The following SAMMSON variants were observed in gnomAD, a reference collection of about 807,000 sequenced individuals.
SAMMSON encodes the protein survival associated mitochondrial melanoma specific oncogenic non-coding RNA, also known as long intergenic non-protein coding RNA 1212.
At chr3:70,296,588 A>G (rs538046708) in intron 7 of SAMMSON, among the ~76,000 whole-genome samples, 2 of 152,312 alleles carry the variant, frequency 1.3e-5, no homozygotes, top group African/African-American at 4.8e-5. Flanking sequence ...CAGTGGAATA[A>G]AAGGCATGAT....
chr3:70,407,905 C>T (rs1390548222), intron 2 of SAMMSON, among the ~76,000 whole-genome samples: 1 of 152,250 alleles, frequency 6.6e-6, no homozygotes, highest in Non-Finnish European at 1.5e-5. Context: ...CCTGCCCCTG[C>T]AGCAAACTTC....
intron 4 of SAMMSON, among the ~76,000 whole-genome samples, chr3:70,121,716 G>A (rs925949842): frequency 1.5e-4 from 23 of 152,146 alleles, no homozygotes; most frequent in African/African-American, 5.3e-4. Context: ...TTTCCTGAGC[G>A]TCCACTGTGT....
At chr3:70,193,752 T>G (rs1415241704) in intron 4 of SAMMSON, among the ~76,000 whole-genome samples, 3 of 152,190 alleles carry the variant, frequency 2.0e-5, no homozygotes, top group Admixed American at 2.0e-4. Flanking sequence ...GTCAAACAAC[T>G]TTACTTAAGT....
chr3:70,004,175 C>G (rs1251948701), intron 1 of SAMMSON, among the ~76,000 whole-genome samples: 1 of 152,058 alleles, frequency 6.6e-6, no homozygotes, highest in African/African-American at 2.4e-5. Context: ...CTAAGAGCTG[C>G]CTATGGCTAG....
At chr3:70,271,511 CTATT>C (rs1701975361) in intron 6 of SAMMSON, among the ~76,000 whole-genome samples, 4 of 152,274 alleles carry the variant, frequency 2.6e-5, no homozygotes, top group Admixed American at 2.6e-4. Flanking sequence ...TTTTGCTTAA[CTATT>C]TAACAAACAT....
intron 9 of SAMMSON, among the ~76,000 whole-genome samples, chr3:70,383,169 A>G (rs1217916426): frequency 2.6e-5 from 4 of 152,052 alleles, no homozygotes; most frequent in African/African-American, 9.7e-5. Flanking sequence ...CTTTTTAGGC[A>G]TTTAATGATT....
intron 4 of SAMMSON, among the ~76,000 whole-genome samples, chr3:70,236,261 T>C (rs2106748800): frequency 6.6e-6 from 1 of 152,284 alleles, no homozygotes; most frequent in South Asian, 2.1e-4. Flanking sequence ...CCAAAATAAC[T>C]TTTCCAGAGA....
intron 4 of SAMMSON, among the ~76,000 whole-genome samples, chr3:70,086,872 C>T (rs777641013): frequency 1.3e-5 from 2 of 152,028 alleles, no homozygotes; most frequent in Non-Finnish European, 2.9e-5. Context: ...TCATTTAATC[C>T]CCATGACAAT....
chr3:70,126,139 A>G (rs2067457578), intron 4 of SAMMSON: 2 of 1,264,628 alleles, frequency 1.6e-6, no homozygotes, highest in South Asian at 1.3e-5. Flanking sequence ...TGGTGGGTAC[A>G]TATACTTGAG....
At chr3:70,188,425 G>A (rs1194242184) in intron 4 of SAMMSON, among the ~76,000 whole-genome samples, 1 of 152,172 alleles carries the variant, frequency 6.6e-6, no homozygotes, top group Admixed American at 6.5e-5. Flanking sequence ...CCTACTACAG[G>A]AGGTATTATG....
At chr3:70,281,201 G>C (rs1158849744) in intron 6 of SAMMSON, among the ~76,000 whole-genome samples, 1 of 152,008 alleles carries the variant, frequency 6.6e-6, no homozygotes, top group Admixed American at 6.6e-5. Context: ...ATGCCAGAAG[G>C]ATCATATTAA....
At chr3:70,062,479 G>T (rs2067193983) in intron 3 of SAMMSON, among the ~76,000 whole-genome samples, 1 of 152,002 alleles carries the variant, frequency 6.6e-6, no homozygotes, top group Non-Finnish European at 1.5e-5. Context: ...ACTCTGGTTT[G>T]CTCACTGTTC....
intron 6 of SAMMSON, among the ~76,000 whole-genome samples, chr3:70,275,915 G>A (rs937039172): frequency 1.3e-5 from 2 of 151,872 alleles, no homozygotes; most frequent in Non-Finnish European, 2.9e-5. Flanking sequence ...GCTCATTGTC[G>A]ATGCAAATCA....
intron 4 of SAMMSON, among the ~76,000 whole-genome samples, chr3:70,163,642 T>A (rs2106694467): frequency 6.6e-6 from 1 of 151,612 alleles, no homozygotes; most frequent in Non-Finnish European, 1.5e-5. Flanking sequence ...AGAAAGAGAG[T>A]CATAACAAAA....
chr3:70,232,493 G>A (rs1374912888), intron 4 of SAMMSON, among the ~76,000 whole-genome samples: 1 of 151,536 alleles, frequency 6.6e-6, no homozygotes, highest in Non-Finnish European at 1.5e-5. Context: ...TCCGACTCCC[G>A]GGTTCAAGTG....
chr3:70,177,089 T>C (rs1701014599), intron 4 of SAMMSON, among the ~76,000 whole-genome samples: 1 of 152,222 alleles, frequency 6.6e-6, no homozygotes, highest in African/African-American at 2.4e-5. Flanking sequence ...CCACCTATCC[T>C]TTGATGTTAA....
At chr3:70,049,135 C>G (rs1252974815) in intron 3 of SAMMSON, among the ~76,000 whole-genome samples, 2 of 152,136 alleles carry the variant, frequency 1.3e-5, no homozygotes, top group Admixed American at 1.3e-4. Context: ...TGCATACCTA[C>G]CAGGTAGTGG....
At chr3:70,088,590 G>C (rs894056608) in intron 4 of SAMMSON, among the ~76,000 whole-genome samples, 6 of 152,210 alleles carry the variant, frequency 3.9e-5, no homozygotes, top group South Asian at 4.1e-4. Context: ...GGGATCTTTT[G>C]TAGAGAAGGT....
chr3:70,101,398 GA>G (rs5849940), intron 4 of SAMMSON, among the ~76,000 whole-genome samples: 18 of 148,260 alleles, frequency 1.2e-4, no homozygotes, highest in Middle Eastern at 3.4e-3. Context: ...CATTTTTTAT[GA>G]AAAAAAAACG....
Sources: gnomAD v4.1 joint callset for allele counts (sites outside exome capture counted in the v4.1 genomes callset) on GRCh38, gnomAD v4.1.1 for gene constraint, MANE v1.5 for transcripts, NCBI Gene and HGNC (gene_info 2026-07-23, HGNC 2026-07-21) for gene names.